NUMA1: variants seen among roughly 807,000 people sequenced by gnomAD.
NUMA1 encodes SP-H antigen.
Under a neutral mutation model 237.1 loss-of-function variants are expected in NUMA1, and 62 were observed. The ratio of observed to expected loss-of-function variants is 0.26; its 90% CI spans 0.21 to 0.32. The LOEUF is 0.32. Among genes scored for constraint, NUMA1 ranks in the 10% least tolerant of loss-of-function variants. The probability of loss-of-function intolerance (pLI) is 1.00; values close to 1 mark genes in which losing one functional copy is unlikely to be tolerated. For synonymous variants in NUMA1, 1,028 were observed against 1,066.1 expected, an observed-to-expected ratio of 0.96 and a Z score of 0.70; for missense variants, 2,533 against 2,666.5, an observed-to-expected ratio of 0.95 and a Z score of 1.10.
chr11:72,046,853 G>A (rs996263984), intron 2 of NUMA1, among the ~76,000 whole-genome samples: 3 of 152,028 alleles, frequency 2.0e-5, no homozygotes, highest in African/African-American at 7.3e-5. Flanking sequence ...TCAGCTACTT[G>A]GGAGGCTGAG....
At chr11:72,036,755 C>T (rs1036020679) in intron 2 of NUMA1, among the ~76,000 whole-genome samples, 1 of 152,150 alleles carries the variant, frequency 6.6e-6, no homozygotes, top group Non-Finnish European at 1.5e-5. Flanking sequence ...CTGGTGTTCT[C>T]ATCCCCAATT....
chr11:72,010,705 A>G (rs1485352483), intron 17 of NUMA1, 81 bp downstream of exon 17: 14 of 1,375,822 alleles, frequency 1.0e-5, no homozygotes, highest in Non-Finnish European at 1.4e-5. Flanking sequence ...TTCTGCCCCG[A>G]CACCCCCCAC....
chr11:72,017,790 T>A lies in NUMA1; in HGVS notation c.1016A>T (p.Asp339Val). 6.2e-7 allele frequency: 1 copy of A among 1,610,242 alleles called. No homozygotes were observed. Among genetic ancestry groups the A allele is most frequent in the Non-Finnish European group, 8.5e-7 (1 of 1,177,546 alleles). The change falls in exon 13 of 27, where the codon GAT becomes GTT. Residue 339 changes from aspartate (D) to valine (V), a missense_variant. By Grantham distance (152) the Asp-to-Val change is radical (BLOSUM62 -3). This residue lies in a region of NUMA1 where 1,414 missense variants were observed against 1,508.1 expected (regional missense o/e 0.94). Coordinates refer to ENST00000393695, the MANE Select transcript of NUMA1 (RefSeq NM_006185.4). Reference sequence around the variant, plus strand: ...CTCCTCCGTCAGCTCATTGAGGGCATCCTGTAGCTGCTGCAGATGACTGGC... The same window carrying A: ...CTCCTCCGTCAGCTCATTGAGGGCAACCTGTAGCTGCTGCAGATGACTGGC... The part of the protein sequence containing the change: ...EFASHLQQLQ[D>V]ALNELTEEHS...
intron 1 of NUMA1, among the ~76,000 whole-genome samples, chr11:72,072,995 C>T (rs903541978): frequency 6.9e-6 from 1 of 145,942 alleles, no homozygotes; most frequent in Non-Finnish European, 1.5e-5. Context: ...TGCAGTGAGC[C>T]GAGATCGCGC....
At position 72,013,695 on chromosome 11, in the gene NUMA1, G is replaced by A. The variant is rs1366154588; in HGVS notation, c.3808C>T (p.Arg1270Cys). The A allele has an allele frequency of 4.4e-6, 7 of 1,609,144 alleles. No individual in the cohort carries two copies. In the East Asian group the frequency reaches 6.7e-5, roughly 15 times the overall value. Reference protein sequence around the residue: ...EKSQKLEERLRLLQAETASNS... With the variant: ...EKSQKLEERLCLLQAETASNS... ...CTGGCTGTCTCTGCCTGCAGCAGGC[G>A]CAGCCTCTCCTCCAGCTTCTGGCTC... Residue 1270 changes from arginine (R) to cysteine (C), a missense_variant, in exon 15 of 27, where the codon CGC becomes TGC. By Grantham distance (180) the Arg-to-Cys change is radical. Around this residue, in one of 3 missense-constraint regions of NUMA1, gnomAD observed 324 missense variants for 407.6 expected, o/e 0.79. Transcript: ENST00000393695. This position sits in a 1 kb window ranked among gnomAD's most constrained non-coding sequence, Gnocchi z 6.8.
intron 1 of NUMA1, 105 bp downstream of exon 1, chr11:72,080,353 G>A (rs901273670): frequency 1.3e-5 from 2 of 150,580 alleles, no homozygotes; most frequent in South Asian, 4.2e-4. Context: ...ACTCGGTTAT[G>A]GAGGAGGCCT....
At position 72,003,917 on chromosome 11, in the gene NUMA1, G is replaced by A. The variant is rs775270640; in HGVS notation, c.6306C>T (p.Ala2102=). 187 of 1,613,296 alleles carry A rather than the reference G, an allele frequency of 1.2e-4. 13 individuals are homozygous for A. In the South Asian group the frequency reaches 2.0e-3, roughly 17 times the overall value. Reference sequence around the variant, plus strand: ...CCTTGGCTCGAGGGGTGGCACCAATGGCGGCAGCAGTGGCGGCGCTGGCTG... The same window carrying A: ...CCTTGGCTCGAGGGGTGGCACCAATAGCGGCAGCAGTGGCGGCGCTGGCTG... ...TTTASAATAA[A]IGATPRAKGK... The change falls in exon 26 of 27, where the codon GCC becomes GCT. Residue 2102 remains alanine (A), a synonymous_variant. Coordinates refer to ENST00000393695, the MANE Select transcript of NUMA1 (RefSeq NM_006185.4).
intron 4 of NUMA1, among the ~76,000 whole-genome samples, chr11:72,028,697 T>C (rs750972899): frequency 1.3e-5 from 2 of 152,052 alleles, no homozygotes; most frequent in Non-Finnish European, 2.9e-5. Flanking sequence ...ACCCCAGAAG[T>C]GTACTTATTT....
intron 2 of NUMA1, among the ~76,000 whole-genome samples, chr11:72,048,546 T>TC (rs1012849442): frequency 6.6e-6 from 1 of 152,116 alleles, no homozygotes; most frequent in Non-Finnish European, 1.5e-5. Flanking sequence ...TAATTTTTTT[T>TC]ATTTTTAGTA....
chr11:72,068,198 G>A (rs1341268763), intron 2 of NUMA1: 2 of 152,258 alleles, frequency 1.3e-5, no homozygotes, highest in Admixed American at 6.5e-5. Context: ...GTCTTCTGGA[G>A]ATGGGACTGC....
At chr11:72,053,613 T>C (rs1224782341) in intron 2 of NUMA1, among the ~76,000 whole-genome samples, 2 of 152,214 alleles carry the variant, frequency 1.3e-5, no homozygotes, top group Non-Finnish European at 1.5e-5. Flanking sequence ...TGTAAAGCTT[T>C]ACAGAATGCA....
chr11:72,061,986 G>A (rs906663689), intron 2 of NUMA1, among the ~76,000 whole-genome samples: 4 of 152,010 alleles, frequency 2.6e-5, no homozygotes, highest in Non-Finnish European at 1.5e-5. Flanking sequence ...TAGCAGATTC[G>A]CTAGGAAGCA....
At chr11:72,018,344 C>CT (rs776198480) in intron 11 of NUMA1, 44 bp from the exon 12 acceptor site, 1 of 1,608,084 alleles carries the variant, frequency 6.2e-7, no homozygotes, top group Non-Finnish European at 8.5e-7. Flanking sequence ...GGGTTCCTGG[C>CT]TGGGTGAGGG....
intron 2 of NUMA1, among the ~76,000 whole-genome samples, chr11:72,053,826 T>C (rs1418963994): frequency 6.6e-6 from 1 of 152,162 alleles, no homozygotes; most frequent in Non-Finnish European, 1.5e-5. Flanking sequence ...AAAAAAAGCA[T>C]CTGTACTGAA....
rs147227616 is a variant in NUMA1, at chr11:72,005,303, A to G, written c.5759T>C (p.Ile1920Thr). ...EPEQLDDWNR[I>T]AELQQRNRVC... ...TCGATTGCGCTGCTGCAGCTCTGCA[A>G]TGCGGTTCCAGTCATCCAGCTGCTC... Residue 1920 changes from isoleucine (I) to threonine (T), a missense_variant, in exon 23 of 27, where the codon ATT becomes ACT. Coordinates refer to ENST00000393695, the MANE Select transcript of NUMA1 (RefSeq NM_006185.4). 8.1e-6 allele frequency: 13 copies of G among 1,609,086 alleles called. No individual in the cohort carries two copies. The highest frequency in any genetic ancestry group is 1.3e-5 in the African/African-American group (1 of 74,692).
At chr11:72,037,332 C>T (rs1421331800) in intron 2 of NUMA1, among the ~76,000 whole-genome samples, 6 of 152,194 alleles carry the variant, frequency 3.9e-5, no homozygotes, top group East Asian at 1.9e-4. Context: ...GGTGAAACCC[C>T]GTCTCTACTA....
chr11:72,003,546 A>AGACAC lies in NUMA1; in HGVS notation c.6337-13_6337-9dup. ...GGCCCTTTAGTGCTTTGCCTGAAAG[A>AGACAC]GACACAGTCACATGGCCAGATGAGA... On this transcript the variant is annotated splice_polypyrimidine_tract_variant and intron_variant, in intron 26 of 26. Coordinates refer to ENST00000393695, the MANE Select transcript of NUMA1 (RefSeq NM_006185.4). 6.2e-7 allele frequency: 1 copy of AGACAC among 1,614,164 alleles called. No homozygotes were observed. Among genetic ancestry groups the AGACAC allele is most frequent in the Non-Finnish European group, 8.5e-7 (1 of 1,179,996 alleles).
intron 2 of NUMA1, among the ~76,000 whole-genome samples, chr11:72,045,397 A>C (rs190933288): frequency 6.6e-6 from 1 of 152,342 alleles, no homozygotes; most frequent in East Asian, 1.9e-4. Context: ...TCTTATCCAA[A>C]GGAGCACCAT....
intron 2 of NUMA1, among the ~76,000 whole-genome samples, chr11:72,039,367 C>G (rs1941409222): frequency 1.3e-5 from 2 of 152,254 alleles, no homozygotes; most frequent in Non-Finnish European, 2.9e-5. Flanking sequence ...CCTTACCCCG[C>G]CCTTGGCCTG....
Sources: allele counts gnomAD v4.1 joint callset (sites outside exome capture counted in the v4.1 genomes callset), GRCh38; gene constraint gnomAD v4.1.1; regional missense constraint gnomAD v4.1.1; non-coding constraint Gnocchi (gnomAD v3.1); transcripts MANE v1.5; gene names NCBI Gene and HGNC (gene_info 2026-07-23, HGNC 2026-07-21).